Variants in ABCA1 observed in about 807,000 individuals in gnomAD.
The protein encoded by ABCA1 is phospholipid-transporting ATPase ABCA1.
ABCA1 carries 133 observed loss-of-function variants against 262.5 expected under a neutral mutation model. That is an observed-to-expected ratio of 0.51 (90% CI 0.44 to 0.59). ABCA1 has a LOEUF of 0.59. Among genes scored for constraint, ABCA1 ranks in the 20% least tolerant of loss-of-function variants. ABCA1 has a pLI of 0.00. For synonymous variants in ABCA1, 1,022 were observed against 1,043.5 expected (o/e 0.98, Z 0.40); for missense variants, 2,452 against 2,777.5 (o/e 0.88, Z 2.63).
intron 9 of ABCA1, among the ~76,000 whole-genome samples, chr9:104,838,602 G>A (rs559125180): frequency 1.1e-4 from 17 of 149,166 alleles, no homozygotes; most frequent in Middle Eastern, 3.4e-3. Flanking sequence ...GGGCAACGGA[G>A]CGAGACTCCC....
At chr9:104,791,374 AC>A (rs1241923784) in intron 43 of ABCA1, among the ~76,000 whole-genome samples, 1 of 152,198 alleles carries the variant, frequency 6.6e-6, no homozygotes, top group Non-Finnish European at 1.5e-5. Context: ...TTTTTAAAAA[AC>A]TATTTGAATG....
chr9:104,818,893 A>G lies in ABCA1; in HGVS notation c.3242-10T>C, dbSNP rs763191829. On this transcript the variant is annotated splice_polypyrimidine_tract_variant and intron_variant, in intron 22 of 49. Coordinates refer to ENST00000374736, the MANE Select transcript of ABCA1 (RefSeq NM_005502.4). ...AGAATAATGGTGCGGCCTGCCAGGC[A>G]CAAACACAAGGATGTGGGACAGGTG... 12 of 1,608,456 alleles carry G rather than the reference A, an allele frequency of 7.5e-6. No individual in the cohort carries two copies. In the South Asian group the frequency reaches 1.3e-4, roughly 18 times the overall value.
chr9:104,795,310 C>G (rs1015512305), intron 39 of ABCA1, among the ~76,000 whole-genome samples: 36 of 152,126 alleles, frequency 2.4e-4, no homozygotes, highest in Non-Finnish European at 5.9e-5. Context: ...TGGGTATGGA[C>G]AGGAAGAGTT....
Position 104,837,417 on chromosome 9 carries a change from G to C in ABCA1, c.1194+11C>G. The C allele has an allele frequency of 6.2e-7, 1 of 1,613,918 alleles. No individual in the cohort carries two copies. Among genetic ancestry groups the C allele is most frequent in the Non-Finnish European group, 8.5e-7 (1 of 1,179,880 alleles). ...TTCTGGGGAGGGAGTCTTGGGCTGG[G>C]GGCAGCTTACCTCAGCCATGACCTG... On this transcript the variant is annotated intron_variant, in intron 10 of 49. Coordinates refer to ENST00000374736, the MANE Select transcript of ABCA1 (RefSeq NM_005502.4).
At position 104,831,017 on chromosome 9, in the gene ABCA1, C is replaced by T. The variant is rs770369121; in HGVS notation, c.1800G>A (p.Val600=). 7 of 1,614,052 alleles carry T rather than the reference C, an allele frequency of 4.3e-6. No homozygotes were observed. The Admixed American group carries it at 1.0e-4, about 23-fold the overall frequency. ...TCAGCACCCTGATGATTGCCTGCTC[C>T]ACCACATCCTGCAAGTAGGCGAAGC... ...WGGFAYLQDV[V]EQAIIRVLTG... Residue 600 remains valine (V), a synonymous_variant, in exon 14 of 50, where the codon GTG becomes GTA. Coordinates refer to ENST00000374736, the MANE Select transcript of ABCA1 (RefSeq NM_005502.4).
intron 32 of ABCA1, 68 bp from the exon 33 acceptor site, chr9:104,803,384 G>T: frequency 6.9e-7 from 1 of 1,451,764 alleles, no homozygotes; most frequent in Non-Finnish European, 9.7e-7. Flanking sequence ...TGATGCAAAA[G>T]GAGTAAATAT....
rs756191998 is a variant in ABCA1, at chr9:104,792,001, G to T, written c.5758-3C>A. 8.1e-6 allele frequency: 13 copies of T among 1,612,398 alleles called. No individual in the cohort carries two copies. Among genetic ancestry groups the T allele is most frequent in the African/African-American group, 1.3e-5 (1 of 74,978 alleles). On this transcript the variant is annotated splice_polypyrimidine_tract_variant and splice_region_variant and intron_variant, in intron 42 of 49. Coordinates refer to ENST00000374736, the MANE Select transcript of ABCA1 (RefSeq NM_005502.4). ...GGCTTCCGCTTCCTTCTATATATCTGCAACAAACAAAATGTAAACATTCAT... is the reference window on the plus strand; with the variant it reads ...GGCTTCCGCTTCCTTCTATATATCTTCAACAAACAAAATGTAAACATTCAT...
intron 7 of ABCA1, among the ~76,000 whole-genome samples, chr9:104,856,666 C>T (rs557945567): frequency 6.6e-6 from 1 of 152,126 alleles, no homozygotes; most frequent in African/African-American, 2.4e-5. Context: ...GGGTTGTGTA[C>T]ACAATAGGTG....
At chr9:104,915,916 AG>A (rs1422477012) in intron 1 of ABCA1, among the ~76,000 whole-genome samples, 1 of 152,210 alleles carries the variant, frequency 6.6e-6, no homozygotes, top group African/African-American at 2.4e-5. Context: ...CTGGGGTCAG[AG>A]TGCCATGCCC....
chr9:104,823,043 T>G (rs552094085), intron 18 of ABCA1, among the ~76,000 whole-genome samples: 2 of 150,006 alleles, frequency 1.3e-5, no homozygotes, highest in African/African-American at 4.9e-5. Flanking sequence ...CTTGGATAGA[T>G]CTAAGGGAAT....
intron 3 of ABCA1, among the ~76,000 whole-genome samples, chr9:104,885,319 C>T (rs1462968192): frequency 6.6e-6 from 1 of 152,172 alleles, no homozygotes; most frequent in Non-Finnish European, 1.5e-5. Context: ...GGGAGTAGAA[C>T]CCCCATCTCC....
Position 104,782,149 on chromosome 9 carries a change from C to T in ABCA1, c.*2166G>A, listed in dbSNP as rs916051285. The T allele has an allele frequency of 3.3e-5, 5 of 151,974 alleles. No individual in the cohort carries two copies. Among genetic ancestry groups the T allele is most frequent in the Non-Finnish European group, 5.9e-5 (4 of 67,940 alleles). 9.4% of individuals were successfully genotyped at this position (151,974 alleles called of 1,614,324 possible). A position where few individuals can be genotyped will look rare whatever the true frequency, so the allele number is the denominator to read the frequency against. On this transcript the variant is annotated 3_prime_UTR_variant, in exon 50 of 50. Coordinates refer to ENST00000374736, the MANE Select transcript of ABCA1 (RefSeq NM_005502.4). ...TTTTAGTAAAATGAGGAAACCATAA[C>T]TTTGATTTTGAAAAATATTAAATGA... is the stretch of plus-strand genomic sequence containing the variant.
intron 17 of ABCA1, among the ~76,000 whole-genome samples, chr9:104,825,416 A>G (rs918621830): frequency 2.0e-5 from 3 of 152,248 alleles, no homozygotes; most frequent in African/African-American, 7.2e-5. Context: ...TAACTACTTC[A>G]GAGTAGCCTT....
At chr9:104,846,547 T>C (rs745890124) in intron 7 of ABCA1, among the ~76,000 whole-genome samples, 19 of 152,264 alleles carry the variant, frequency 1.2e-4, no homozygotes, top group Non-Finnish European at 1.9e-4. Flanking sequence ...TGGGACTCAC[T>C]ATCTCTGAGA....
At chr9:104,922,549 T>C (rs879510552) in intron 1 of ABCA1, among the ~76,000 whole-genome samples, 7 of 152,204 alleles carry the variant, frequency 4.6e-5, no homozygotes, top group Non-Finnish European at 8.8e-5. Flanking sequence ...CTCATGAGAA[T>C]GAACTGAGTT....
At chr9:104,875,050 G>A (rs1374581580) in intron 5 of ABCA1, among the ~76,000 whole-genome samples, 1 of 152,078 alleles carries the variant, frequency 6.6e-6, no homozygotes, top group Non-Finnish European at 1.5e-5. Flanking sequence ...GAATAGAAAA[G>A]GGGGAAATGT....
chr9:104,876,563 G>T (rs1838187028), intron 5 of ABCA1, among the ~76,000 whole-genome samples: 1 of 152,188 alleles, frequency 6.6e-6, no homozygotes, highest in African/African-American at 2.4e-5. Flanking sequence ...ATGTTCAGTA[G>T]GAAGCAGGCT....
Position 104,850,878 on chromosome 9 carries a change from G to A in ABCA1, c.721-5309C>T, listed in dbSNP as rs116512978. ...CAGGAGACAAGTGACTTTCTTATACGAAGTAAAGGAAATGGGAAAAAGAAG... is the reference window on the plus strand; with the variant it reads ...CAGGAGACAAGTGACTTTCTTATACAAAGTAAAGGAAATGGGAAAAAGAAG... On this transcript the variant is annotated intron_variant, in intron 7 of 49. Coordinates refer to ENST00000374736, the MANE Select transcript of ABCA1 (RefSeq NM_005502.4). Among the ~76,000 whole-genome samples, 785 of 152,260 alleles carry A rather than the reference G, an allele frequency of 5.2e-3. 4 individuals carry two copies. The highest frequency in any genetic ancestry group is 0.017 in the African/African-American group (723 of 41,532).
At position 104,883,084 on chromosome 9, in the gene ABCA1, G is replaced by C. The variant is rs1286945641; in HGVS notation, c.376C>G (p.Arg126Gly). The C allele has an allele frequency of 6.2e-7, 1 of 1,614,032 alleles. No homozygotes were observed. The change falls in exon 5 of 50, where the codon CGC (arginine) becomes GGC (glycine). Residue 126 changes from arginine (R) to glycine (G), a missense_variant. Physicochemically the swap from Arg to Gly is moderately radical, Grantham distance 125 (BLOSUM62 -2). Around this residue, in one of 4 missense-constraint regions of ABCA1, gnomAD observed 1,032 missense variants for 1,089.7 expected, o/e 0.95. Transcript: ENST00000374736. The part of the protein sequence containing the change: ...SQKDTSMKDM[R>G]KVLRTLQQIK... ...TGCTGTAATGTTCTCAGAACTTTGC[G>C]CATGTCCTTCATGCTGGTGTCTTTC... is the stretch of plus-strand genomic sequence containing the variant.
Sources: gnomAD v4.1 joint callset for allele counts (sites outside exome capture counted in the v4.1 genomes callset) on GRCh38, gnomAD v4.1.1 for gene constraint, gnomAD v4.1.1 regional missense constraint, MANE v1.5 for transcripts, NCBI Gene and HGNC (gene_info 2026-07-23, HGNC 2026-07-21) for gene names.